Variants in RRP1B observed in about 807,000 individuals in gnomAD.
RRP1B encodes ribosomal RNA processing protein 1 homolog B.
In RRP1B, 56 loss-of-function variants were observed where a neutral mutation model predicts 80.2. The ratio of observed to expected loss-of-function variants is 0.70; its 90% confidence interval spans 0.56 to 0.87. The LOEUF is 0.87. Ranked by LOEUF, RRP1B falls within the 40% of genes least tolerant of loss-of-function variation. The pLI is 0.00. For synonymous variants in RRP1B, 351 were observed against 357.6 expected (o/e 0.98, Z 0.21); for missense variants, 807 against 939.8 (o/e 0.86, Z 1.85).
chr21:43,669,991 C>G, intron 2 of RRP1B, 25 bp downstream of exon 2: 1 of 1,554,152 alleles, frequency 6.4e-7, no homozygotes, highest in East Asian at 2.3e-5. Flanking sequence ...CTTTGTCATG[C>G]TCCCGGGTTC....
rs1017791946 is a variant in RRP1B at position 43,672,331 on chromosome 21, A to T, written c.237A>T (p.Ala79=). Residue 79 remains alanine (A), a synonymous_variant, in exon 3 of 16, where the codon GCA becomes GCT. Coordinates refer to ENST00000340648, the MANE Select transcript of RRP1B (RefSeq NM_015056.3). ...LLQEELANTI[A]QLVHAVNNSA... ...AGGAAGAGCTCGCCAACACCATTGC[A>T]CAGCTAGTCCATGCTGTTAACAACT... The T allele has an allele frequency of 3.7e-6, 6 of 1,614,020 alleles. No individual in the cohort carries two copies. Among genetic ancestry groups the T allele is most frequent in the Admixed American group, 3.3e-5 (2 of 60,002 alleles).
At chr21:43,676,092 TCAGTCTTCAGCCTGGCTC>T (rs921140725) in intron 6 of RRP1B, among the ~76,000 whole-genome samples, 162 bp from the exon 7 acceptor site, 1 of 152,130 alleles carries the variant, frequency 6.6e-6, no homozygotes, top group Non-Finnish European at 1.5e-5. Flanking sequence ...GAGGGCGGCC[TCAGTCTTCAGCCTGGCTC>T]CAGGCTTCTG....
intron 8 of RRP1B, among the ~76,000 whole-genome samples, chr21:43,680,704 G>A (rs538671266): frequency 1.1e-3 from 162 of 152,118 alleles, no homozygotes; most frequent in Non-Finnish European, 2.1e-3. Context: ...GGGACCACAA[G>A]CACACACCTC....
chr21:43,679,809 G>A (rs2083036344), intron 8 of RRP1B, among the ~76,000 whole-genome samples: 1 of 152,126 alleles, frequency 6.6e-6, no homozygotes, highest in Non-Finnish European at 1.5e-5. Context: ...TGTCATCAGT[G>A]ACTTCTTTCA....
intron 8 of RRP1B, among the ~76,000 whole-genome samples, chr21:43,681,259 A>G (rs201936444): frequency 6.1e-5 from 8 of 132,162 alleles, no homozygotes. Context: ...TAAATAAATA[A>G]ACAGATAGAT....
chr21:43,672,362 G>A lies in RRP1B; in HGVS notation c.268G>A (p.Ala90Thr), dbSNP rs759504580. 8 of 1,613,768 alleles carry A rather than the reference G, an allele frequency of 5.0e-6. No homozygotes were observed. In the South Asian group the frequency reaches 8.8e-5, roughly 18 times the overall value. Residue 90 changes from alanine to threonine, a missense_variant, in exon 3 of 16, where the codon GCT becomes ACT. Coordinates refer to ENST00000340648, the MANE Select transcript of RRP1B (RefSeq NM_015056.3). ...QLVHAVNNSA[A>T]QHLFIQTFWQ... ...AGTCCATGCTGTTAACAACTCAGCG[G>A]CTCGTAAGTCCTGTTGTTTCTTCTC...
Position 43,676,792 on chromosome 21 carries a change from C to T in RRP1B, c.674C>T (p.Pro225Leu). Residue 225 changes from proline (P) to leucine (L), a missense_variant, in exon 8 of 16, where the codon CCT (proline) becomes CTT (leucine). Transcript: ENST00000340648. ...GVFEAIVDQSPFVPEETMEEQ... is the reference protein window; with the variant it reads ...GVFEAIVDQSLFVPEETMEEQ... ...TTCGAAGCTATCGTAGATCAGTCTC[C>T]TTTTGTGCCTGAAGAGACGATGGAG... is the stretch of plus-strand genomic sequence containing the variant. 6.2e-7 allele frequency: 1 copy of T among 1,614,248 alleles called. No homozygotes were observed. The highest frequency in any genetic ancestry group is 2.2e-5 in the East Asian group (1 of 44,896).
intron 8 of RRP1B, among the ~76,000 whole-genome samples, chr21:43,680,355 C>T (rs571858569): frequency 2.4e-3 from 371 of 151,720 alleles, no homozygotes; most frequent in African/African-American, 8.0e-3. Context: ...GTCAGGAGTT[C>T]GAGACCAGCC....
Position 43,691,635 on chromosome 21 carries a change from TTA to T in RRP1B, c.2083+135_2083+136del, listed in dbSNP as rs200788506. 5,023 of 560,598 alleles carry T rather than the reference TTA, an allele frequency of 9.0e-3. 24 individuals are homozygous for T. The highest frequency in any genetic ancestry group is 0.027 in the African/African-American group (1,136 of 41,710). 34.7% of individuals were successfully genotyped at this position (560,598 alleles called of 1,614,324 possible). A position where few individuals can be genotyped will look rare whatever the true frequency, so the allele number is the denominator to read the frequency against. ...CTCCTCACTGCCCATTTCTTTATTT[TTA>T]TTTTTTTTTTTTTTTTGAGACAGAG... On this transcript the variant is annotated intron_variant, in intron 15 of 15. Coordinates refer to ENST00000340648, the MANE Select transcript of RRP1B (RefSeq NM_015056.3). This position sits in a 1 kb window ranked among gnomAD's most constrained non-coding sequence, Gnocchi z 4.2.
At chr21:43,674,815 A>G in intron 5 of RRP1B, 118 bp downstream of exon 5, 1 of 1,073,490 alleles carries the variant, frequency 9.3e-7, no homozygotes, top group East Asian at 2.4e-5. Flanking sequence ...TTACCTATAG[A>G]GAATTGAAAT....
chr21:43,672,640 A>G (rs2083004428), intron 3 of RRP1B, among the ~76,000 whole-genome samples: 1 of 152,206 alleles, frequency 6.6e-6, no homozygotes, highest in Non-Finnish European at 1.5e-5. Context: ...GGAGAGCCAG[A>G]TGCAGGGTCC....
Position 43,685,794 on chromosome 21 carries a change from G to GGC in RRP1B, c.1009+10_1009+11dup. On this transcript the variant is annotated splice_donor_region_variant and intron_variant, in intron 11 of 15. Transcript: ENST00000340648. ...GATTCCAAGACCTTTCTGAAGGTGA[G>GGC]GCGCGCCAAGAATCATCATTCATGG... 1 of 1,587,548 alleles carries GGC rather than the reference G, an allele frequency of 6.3e-7. No individual in the cohort carries two copies.
rs2083084741 is a variant in RRP1B at position 43,691,173 on chromosome 21, C to T, written c.2020-266C>T. Among the ~76,000 whole-genome samples, 1 of 152,122 alleles carries T rather than the reference C, an allele frequency of 6.6e-6. No individual in the cohort carries two copies. The highest frequency in any genetic ancestry group is 6.5e-5 in the Admixed American group (1 of 15,272). On this transcript the variant is annotated intron_variant, in intron 14 of 15. Coordinates refer to ENST00000340648, the MANE Select transcript of RRP1B (RefSeq NM_015056.3). The surrounding 1 kb of genome is among the most constrained non-coding windows in gnomAD (Gnocchi z 4.2). ...AATGAGGCAGTGACCGCAGATGGGCCAAGAGTGTGGGCACCACTGACCCTG... is the reference window on the plus strand; with the variant it reads ...AATGAGGCAGTGACCGCAGATGGGCTAAGAGTGTGGGCACCACTGACCCTG...
chr21:43,666,608 C>T (rs769541758), intron 1 of RRP1B, among the ~76,000 whole-genome samples: 1 of 151,382 alleles, frequency 6.6e-6, no homozygotes, highest in Non-Finnish European at 1.5e-5. Flanking sequence ...ATCCCAGCTA[C>T]GTGGGAGGCT....
Position 43,686,882 on chromosome 21 carries a change from A to G in RRP1B, c.1088A>G (p.His363Arg), listed in dbSNP as rs1461641645. The part of the protein sequence containing the change: ...EDDQILSQGK[H>R]KKKGNKLLEK... ...GACCAAATCCTCAGTCAAGGAAAGC[A>G]TAAGAAGAAAGGAAATAAACTTTTA... The change falls in exon 12 of 16, where the codon CAT becomes CGT. Residue 363 changes from histidine (H) to arginine (R), a missense_variant. Transcript: ENST00000340648. 5 of 1,613,956 alleles carry G rather than the reference A, an allele frequency of 3.1e-6. No individual in the cohort carries two copies. The highest frequency in any genetic ancestry group is 2.7e-5 in the African/African-American group (2 of 74,936).
In RRP1B at chr21:43,666,840, C is replaced by T. The variant is rs59429391; in HGVS notation, c.131-3044C>T. On this transcript the variant is annotated intron_variant, in intron 1 of 15. Transcript: ENST00000340648. ...CACTGCATTTGGTTAATATGTCTGC[C>T]AAGACGCTCTTAAAATCTAACAGTT... 3.7e-3 allele frequency among the ~76,000 whole-genome samples: 557 copies of T among 152,232 alleles called. 2 individuals carry two copies. The highest frequency in any genetic ancestry group is 0.013 in the African/African-American group (527 of 41,510).
At chr21:43,665,246 A>T (rs1351857217) in intron 1 of RRP1B, among the ~76,000 whole-genome samples, 1 of 152,232 alleles carries the variant, frequency 6.6e-6, no homozygotes, top group Non-Finnish European at 1.5e-5. Flanking sequence ...AGTGAGAAAG[A>T]CCAGAATACA....
chr21:43,690,542 G>A, intron 14 of RRP1B, 102 bp downstream of exon 14: 1 of 1,323,180 alleles, frequency 7.6e-7, no homozygotes, highest in Non-Finnish European at 1.1e-6. Flanking sequence ...CCCCACTGTG[G>A]CCCTCTGAGC....
rs1389493612 is a variant in RRP1B, at chr21:43,687,617, G to C, written c.1243G>C (p.Gly415Arg). Reference sequence around the variant, plus strand: ...GCACCACCTGCAGCCTGAAAATCCAGGCCCAGGGGGTGCAGCCCCATCCCT... The same window carrying C: ...GCACCACCTGCAGCCTGAAAATCCACGCCCAGGGGGTGCAGCCCCATCCCT... The part of the protein sequence containing the change: ...KKHHLQPENP[G>R]PGGAAPSLEQ... Residue 415 changes from glycine (G) to arginine (R), a missense_variant, in exon 13 of 16, where the codon GGC (glycine) becomes CGC (arginine). Physicochemically the swap from Gly to Arg is moderately radical, Grantham distance 125. Transcript: ENST00000340648. 3.3e-6 allele frequency: 5 copies of C among 1,531,352 alleles called. No homozygotes were observed. The highest frequency in any genetic ancestry group is 4.4e-6 in the Non-Finnish European group (5 of 1,143,706). 94.9% of individuals were successfully genotyped at this position (1,531,352 alleles called of 1,614,324 possible).
Sources: allele counts gnomAD v4.1 joint callset (sites outside exome capture counted in the v4.1 genomes callset), GRCh38; gene constraint gnomAD v4.1.1; non-coding constraint Gnocchi (gnomAD v3.1); transcripts MANE v1.5; gene names NCBI Gene and HGNC (gene_info 2026-07-23, HGNC 2026-07-21).